TXNL1: variants seen among roughly 807,000 people sequenced by gnomAD.
TXNL1 encodes thioredoxin-like protein 1.
Under a neutral mutation model 35.5 loss-of-function variants are expected in TXNL1, and 14 were observed. The ratio of observed to expected loss-of-function variants is 0.39; its 90% confidence interval spans 0.26 to 0.62. The LOEUF (loss-of-function observed/expected upper bound fraction) is 0.62. Ranked by LOEUF, TXNL1 falls within the 20% of genes least tolerant of loss-of-function variation. TXNL1 has a pLI of 0.47. For missense variants in TXNL1, 263 were observed against 349.7 expected (o/e 0.75, Z 1.98); for synonymous variants, 110 against 115.5 (o/e 0.95, Z 0.31).
At chr18:56,638,017 G>A (rs1024381380) in intron 1 of TXNL1, among the ~76,000 whole-genome samples, 2 of 152,220 alleles carry the variant, frequency 1.3e-5, no homozygotes, top group Admixed American at 6.5e-5. Flanking sequence ...TCAGGCAAGG[G>A]TGGCTGCGGA....
rs766984663 is a variant in TXNL1, at chr18:56,638,460, G to C, written c.-20C>G. 3.7e-6 allele frequency: 6 copies of C among 1,605,536 alleles called. No individual in the cohort carries two copies. The Admixed American group carries it at 8.4e-5, about 23-fold the overall frequency. On this transcript the variant is annotated 5_prime_UTR_variant, in exon 1 of 8. Coordinates refer to ENST00000217515, the MANE Select transcript of TXNL1 (RefSeq NM_004786.3). ...CACCATCCTCACAGAGAGCCCGGCA[G>C]GGTGGCCGCGACGCCACTGGCTTTG...
chr18:56,621,257 T>C (rs1358516319), intron 3 of TXNL1, among the ~76,000 whole-genome samples: 2 of 151,036 alleles, frequency 1.3e-5, no homozygotes, highest in Admixed American at 1.3e-4. Context: ...CAGGCTGGAG[T>C]TGCAGTGGCG....
intron 1 of TXNL1, among the ~76,000 whole-genome samples, chr18:56,632,235 T>C (rs1229030286): frequency 6.6e-6 from 1 of 152,224 alleles, no homozygotes; most frequent in African/African-American, 2.4e-5. Flanking sequence ...ACAACTTGTG[T>C]CAATATACAC....
chr18:56,597,900 T>C lies in TXNL1; in HGVS notation c.*5127A>G, dbSNP rs1182354488. The C allele has an allele frequency of 2.0e-5, 3 of 152,230 alleles. No individual in the cohort carries two copies. Among genetic ancestry groups the C allele is most frequent in the African/African-American group, 7.2e-5 (3 of 41,468 alleles). The allele number at this position is 152,230 out of a possible 1,614,324, so 9.4% of individuals were successfully genotyped here. A position where few individuals can be genotyped will look rare whatever the true frequency, so the allele number is the denominator to read the frequency against. ...TCCTAAGAGCTACTTCTATATTCAA[T>C]TGTAAAAGTGAGAACCTTGTGAGAC... On this transcript the variant is annotated 3_prime_UTR_variant, in exon 8 of 8. Transcript: ENST00000217515.
chr18:56,626,114 A>T (rs937645319), intron 2 of TXNL1: 62 of 1,074,262 alleles, frequency 5.8e-5, no homozygotes, highest in Non-Finnish European at 7.0e-5. Flanking sequence ...TAGGTGACCT[A>T]TTAACAACAT....
intron 7 of TXNL1, among the ~76,000 whole-genome samples, chr18:56,605,556 T>G (rs1401739992): frequency 6.6e-6 from 1 of 152,144 alleles, no homozygotes; most frequent in African/African-American, 2.4e-5. Context: ...AAATTGTAAT[T>G]AAAAATTCTG....
intron 1 of TXNL1, 52 bp downstream of exon 1, chr18:56,638,291 G>T: frequency 6.5e-7 from 1 of 1,536,034 alleles, no homozygotes; most frequent in Non-Finnish European, 8.9e-7. Context: ...AAGAGTGAAA[G>T]GAAAGCAAGG....
At chr18:56,624,605 T>C (rs755287474) in intron 2 of TXNL1, 144 bp from the exon 3 acceptor site, 137 of 903,292 alleles carry the variant, frequency 1.5e-4, no homozygotes, top group African/African-American at 1.0e-3. Flanking sequence ...AAGGAAAAAA[T>C]AGACCTATTC....
In TXNL1 at chr18:56,613,248, T is replaced by G. The variant is rs558370934; in HGVS notation, c.735+1176A>C. On this transcript the variant is annotated intron_variant, in intron 6 of 7. Transcript: ENST00000217515. ...TTCTAATTTACAAAAATAGAATTAT[T>G]CCATCACAACAAACAAGCTGTACCA... is the stretch of plus-strand genomic sequence containing the variant. 1.3e-4 allele frequency among the ~76,000 whole-genome samples: 20 copies of G among 152,338 alleles called. No homozygotes were observed. In the South Asian group the frequency reaches 3.3e-3, roughly 25 times the overall value.
chr18:56,622,974 C>G (rs1340969976), intron 3 of TXNL1, among the ~76,000 whole-genome samples: 1 of 152,070 alleles, frequency 6.6e-6, no homozygotes, highest in African/African-American at 2.4e-5. Flanking sequence ...TTTCTGACAC[C>G]CTTACAATCT....
chr18:56,631,915 T>C (rs1417963338), intron 1 of TXNL1, among the ~76,000 whole-genome samples: 4 of 144,990 alleles, frequency 2.8e-5, no homozygotes, highest in African/African-American at 7.7e-5. Context: ...AGCGAAACTC[T>C]GTCTCAAAAA....
At chr18:56,631,561 G>A (rs1184498360) in intron 1 of TXNL1, among the ~76,000 whole-genome samples, 1 of 152,116 alleles carries the variant, frequency 6.6e-6, no homozygotes, top group Non-Finnish European at 1.5e-5. Flanking sequence ...ATGTTAGAAG[G>A]ATTTTGAGTT....
chr18:56,629,598 G>C (rs2024339576), intron 1 of TXNL1, among the ~76,000 whole-genome samples: 1 of 152,088 alleles, frequency 6.6e-6, no homozygotes, highest in Non-Finnish European at 1.5e-5. Context: ...ATGCATAGGG[G>C]GTAAAAAGAC....
chr18:56,633,752 G>T (rs555535798), intron 1 of TXNL1, among the ~76,000 whole-genome samples: 1 of 151,838 alleles, frequency 6.6e-6, no homozygotes, highest in African/African-American at 2.4e-5. Context: ...TTGAGAGGCC[G>T]AGGCGGGCAG....
rs1266019329 is a variant in TXNL1 at position 56,614,351 on chromosome 18, C to CT, written c.735+72dup. 13 of 1,352,324 alleles carry CT rather than the reference C, an allele frequency of 9.6e-6. No individual in the cohort carries two copies. The African/African-American group carries it at 1.7e-4, about 18-fold the overall frequency. The allele number at this position is 1,352,324 out of a possible 1,614,324, so 83.8% of individuals were successfully genotyped here. A position where few individuals can be genotyped will look rare whatever the true frequency, so the allele number is the denominator to read the frequency against. On this transcript the variant is annotated intron_variant, in intron 6 of 7. Coordinates refer to ENST00000217515, the MANE Select transcript of TXNL1 (RefSeq NM_004786.3). The stretch of plus-strand genomic sequence containing the variant: ...ATACCACTTTAAAGAATCACTTAGA[C>CT]TTACCTAGGATACTGAAAATAGTAT...
intron 6 of TXNL1, among the ~76,000 whole-genome samples, chr18:56,612,783 T>A: frequency 6.6e-6 from 1 of 152,254 alleles, no homozygotes; most frequent in East Asian, 1.9e-4. Context: ...AAGAAAATAT[T>A]TGATAATGAG....
intron 4 of TXNL1, among the ~76,000 whole-genome samples, chr18:56,617,755 A>G (rs1287591959): frequency 3.3e-5 from 5 of 152,222 alleles, no homozygotes; most frequent in Non-Finnish European, 7.3e-5. Flanking sequence ...TAAGAGCTCA[A>G]TTCTGCAGTG....
At chr18:56,611,161 T>C (rs2023984374) in intron 6 of TXNL1, 64 bp from the exon 7 acceptor site, 1 of 1,083,064 alleles carries the variant, frequency 9.2e-7, no homozygotes, top group Non-Finnish European at 1.4e-6. Flanking sequence ...TTAAGTTTAA[T>C]CAATTTCCTT....
Position 56,617,739 on chromosome 18 carries a change from C to T in TXNL1, c.492+265G>A, listed in dbSNP as rs577933542. Reference sequence around the variant, plus strand: ...GTTAAGGATGAACAAAAAGACCAAACAGTGGTAAGAGCTCAATTCTGCAGT... The same window carrying T: ...GTTAAGGATGAACAAAAAGACCAAATAGTGGTAAGAGCTCAATTCTGCAGT... On this transcript the variant is annotated intron_variant, in intron 4 of 7. Coordinates refer to ENST00000217515, the MANE Select transcript of TXNL1 (RefSeq NM_004786.3). Among the ~76,000 whole-genome samples the T allele has an allele frequency of 2.0e-5, 3 of 152,290 alleles. No homozygotes were observed. The East Asian group carries it at 5.8e-4, about 29-fold the overall frequency.
Sources: allele counts gnomAD v4.1 joint callset (sites outside exome capture counted in the v4.1 genomes callset), GRCh38; gene constraint gnomAD v4.1.1; transcripts MANE v1.5; gene names NCBI Gene and HGNC (gene_info 2026-07-23, HGNC 2026-07-21).